The following ADAM33 variants were observed in gnomAD, a reference collection of about 807,000 sequenced individuals.
ADAM33 encodes the protein disintegrin and metalloproteinase domain-containing protein 33.
ADAM33 carries 103 observed loss-of-function variants against 106.2 expected under a neutral mutation model. That is an observed-to-expected ratio of 0.97 (90% CI 0.83 to 1.14). The LOEUF (loss-of-function observed/expected upper bound fraction) is 1.14, where lower values mean the gene tolerates loss of function less well. Among genes scored for constraint, ADAM33 ranks in the 50% most tolerant of loss-of-function variants. The pLI, the probability that ADAM33 is intolerant of heterozygous loss-of-function variation, is 0.00. For missense variants in ADAM33, 1,120 were observed against 1,096.6 expected, an observed-to-expected ratio of 1.02 and a Z score of -0.30; for synonymous variants, 483 against 453.0, an observed-to-expected ratio of 1.07 and a Z score of -0.84.
In ADAM33 at chr20:3,672,334, G is replaced by C; in HGVS notation, c.1402-5C>G. On this transcript the variant is annotated splice_region_variant and splice_polypyrimidine_tract_variant and intron_variant, in intron 13 of 21. Coordinates refer to ENST00000356518, the MANE Select transcript of ADAM33 (RefSeq NM_025220.5). ...CAGCGCTCCAGCCGGCTTCAGCTGC[G>C]CAGGTGACGGGTGGTGGGGAAGGCA... is the stretch of plus-strand genomic sequence containing the variant. 1 of 1,557,524 alleles carries C rather than the reference G, an allele frequency of 6.4e-7. No homozygotes were observed. Among genetic ancestry groups the C allele is most frequent in the Non-Finnish European group, 8.7e-7 (1 of 1,153,634 alleles).
chr20:3,676,863 C>T (rs987800361), intron 3 of ADAM33, among the ~76,000 whole-genome samples: 4 of 152,196 alleles, frequency 2.6e-5, no homozygotes, highest in South Asian at 2.1e-4. Context: ...GTTGGGAGGG[C>T]GGAGGTGCCC....
chr20:3,673,714 C>T lies in ADAM33; in HGVS notation c.905+31G>A, dbSNP rs937055628. 9 of 1,387,426 alleles carry T rather than the reference C, an allele frequency of 6.5e-6. No homozygotes were observed. In the African/African-American group the frequency reaches 7.6e-5, roughly 12 times the overall value. 85.9% of individuals were successfully genotyped at this position (1,387,426 alleles called of 1,614,324 possible). On this transcript the variant is annotated intron_variant, in intron 9 of 21. Transcript: ENST00000356518. ...GGCCGGGAGGTGAGGCCGCCCCACC[C>T]GGGACCCGCGTCCGGGTCAGAGGCA... is the stretch of plus-strand genomic sequence containing the variant.
At chr20:3,679,371 T>G in intron 2 of ADAM33, 121 bp downstream of exon 2, 2 of 980,724 alleles carry the variant, frequency 2.0e-6, no homozygotes, top group Non-Finnish European at 3.1e-6. Context: ...CAGGGGCCTA[T>G]AGGAGTAGTG....
chr20:3,672,802 G>T lies in ADAM33; in HGVS notation c.1230C>A (p.Asp410Glu). The part of the protein sequence containing the change: ...GGGACLSNAP[D>E]PGLPVPPALC... ...GCGCCGGCGGCACCGGGAGTCCGGGGTCCGGGGCATTGGAGAGGCAAGCGC... is the reference window on the plus strand; with the variant it reads ...GCGCCGGCGGCACCGGGAGTCCGGGTTCCGGGGCATTGGAGAGGCAAGCGC... The change falls in exon 12 of 22, where the codon GAC becomes GAA. Residue 410 changes from aspartate to glutamate, a missense_variant. By Grantham distance (45) the Asp-to-Glu change is conservative. Coordinates refer to ENST00000356518, the MANE Select transcript of ADAM33 (RefSeq NM_025220.5). 6.3e-7 allele frequency: 1 copy of T among 1,577,056 alleles called. No individual in the cohort carries two copies.
chr20:3,679,990 C>T (rs1000420724), intron 1 of ADAM33, among the ~76,000 whole-genome samples: 2 of 152,120 alleles, frequency 1.3e-5, no homozygotes, highest in Admixed American at 6.5e-5. Flanking sequence ...CACTTGTGCC[C>T]CCCCCATCAT....
chr20:3,672,711 C>T lies in ADAM33; in HGVS notation c.1311+10G>A. On this transcript the variant is annotated intron_variant, in intron 12 of 21. Coordinates refer to ENST00000356518, the MANE Select transcript of ADAM33 (RefSeq NM_025220.5). ...AGAGGGCAAGTGGGGGCCGGGCGAG[C>T]CGACTTAACCTGGCCAGGGCCGCAG... The T allele has an allele frequency of 6.3e-7, 1 of 1,583,054 alleles. No individual in the cohort carries two copies. Among genetic ancestry groups the T allele is most frequent in the Non-Finnish European group, 8.6e-7 (1 of 1,162,742 alleles).
At chr20:3,673,533 G>A (rs755820783) in intron 10 of ADAM33, 37 bp from the exon 11 acceptor site, 18 of 1,448,828 alleles carry the variant, frequency 1.2e-5, no homozygotes, top group Non-Finnish European at 1.6e-5. Context: ...TGCGGCCGTA[G>A]AGCCTCCTGT....
chr20:3,669,840 T>C, intron 19 of ADAM33: 1 of 671,110 alleles, frequency 1.5e-6, no homozygotes, highest in Non-Finnish European at 2.7e-6. Context: ...GTGAGCCTCA[T>C]GCCCTCGGCT....
chr20:3,671,300 G>A lies in ADAM33; in HGVS notation c.2029C>T (p.Pro677Ser). Residue 677 changes from proline to serine, a missense_variant, in exon 18 of 22, where the codon CCA becomes TCA. Physicochemically the swap from Pro to Ser is moderately conservative, Grantham distance 74 (BLOSUM62 -1). Transcript: ENST00000356518. ...HNCHCAPGWA[P>S]PFCDKPGFGG... ...AAGCCTGGCTTGTCACAGAAGGGTG[G>A]AGCCCAGCCTGGAGCACAGTGGCAG... The A allele has an allele frequency of 6.2e-7, 1 of 1,613,816 alleles. No individual in the cohort carries two copies. The highest frequency in any genetic ancestry group is 1.3e-5 in the African/African-American group (1 of 75,064).
chr20:3,674,504 C>G lies in ADAM33; in HGVS notation c.600G>C (p.Arg200Ser). ...CTCCCATCCGATCGATGCCCCTGAC[C>G]CTGCTCTGGGGACCACCAGGAAGGC... ...MTSLPGGPQS[R>S]GRREARRTRK... The change falls in exon 6 of 22, where the codon AGG (arginine) becomes AGC (serine). Residue 200 changes from arginine to serine, a missense_variant and splice_region_variant. Transcript: ENST00000356518. The G allele has an allele frequency of 6.2e-7, 1 of 1,612,990 alleles. No homozygotes were observed. Among genetic ancestry groups the G allele is most frequent in the Non-Finnish European group, 8.5e-7 (1 of 1,179,820 alleles).
At chr20:3,678,611 C>T (rs1289380189) in intron 2 of ADAM33, among the ~76,000 whole-genome samples, 2 of 152,198 alleles carry the variant, frequency 1.3e-5, no homozygotes, top group African/African-American at 2.4e-5. Context: ...CAATGCTCCC[C>T]TGCCTTCCCT....
intron 2 of ADAM33, 151 bp downstream of exon 2, chr20:3,679,341 C>T (rs1228897119): frequency 5.5e-6 from 4 of 728,014 alleles, no homozygotes; most frequent in Non-Finnish European, 9.0e-6. Flanking sequence ...TTCTTCTGCC[C>T]ACTTGAGGGG....
At position 3,673,554 on chromosome 20, in the gene ADAM33, C is replaced by T. The variant is rs1394450455; in HGVS notation, c.990+20G>A. ...CGTAGAGCCTCCTGTCTCTCCCTCGCCCCCGCCCGCGGGGCTCACCGTGCT... is the reference window on the plus strand; with the variant it reads ...CGTAGAGCCTCCTGTCTCTCCCTCGTCCCCGCCCGCGGGGCTCACCGTGCT... On this transcript the variant is annotated intron_variant, in intron 10 of 21. Coordinates refer to ENST00000356518, the MANE Select transcript of ADAM33 (RefSeq NM_025220.5). The T allele has an allele frequency of 1.4e-6, 2 of 1,403,364 alleles. No individual in the cohort carries two copies. The highest frequency in any genetic ancestry group is 1.8e-6 in the Non-Finnish European group (2 of 1,085,374). The allele number at this position is 1,403,364 out of a possible 1,614,324, so 86.9% of individuals were successfully genotyped here.
chr20:3,675,296 C>G lies in ADAM33; in HGVS notation c.255-191G>C, dbSNP rs2787095. On this transcript the variant is annotated intron_variant, in intron 3 of 21. Transcript: ENST00000356518. The surrounding 1 kb of genome is among the most constrained non-coding windows in gnomAD (Gnocchi z 4.1). Reference sequence around the variant, plus strand: ...AAACTCTTGGGGCTAGAGGAAGGAGCCTTGGTGATGGCTTAGTTGTGGGAG... The same window carrying G: ...AAACTCTTGGGGCTAGAGGAAGGAGGCTTGGTGATGGCTTAGTTGTGGGAG... Among the ~76,000 whole-genome samples the G allele has an allele frequency of 0.45, 68,769 of 152,008 alleles. 18,179 individuals carry two copies. The highest frequency in any genetic ancestry group is 0.61 in the South Asian group (2,949 of 4,810).
In ADAM33 at chr20:3,675,003, C is replaced by T. The variant is rs1162056234; in HGVS notation, c.333+24G>A. ...GGGGGGGTACCTCTGGCGGTGCATC[C>T]CAGAGCCCATGGAAGCATCTCACCG... On this transcript the variant is annotated intron_variant, in intron 4 of 21. Transcript: ENST00000356518. This position sits in a 1 kb window ranked among gnomAD's most constrained non-coding sequence, Gnocchi z 4.1. 2.5e-6 allele frequency: 4 copies of T among 1,613,134 alleles called. No homozygotes were observed. Among genetic ancestry groups the T allele is most frequent in the Non-Finnish European group, 3.4e-6 (4 of 1,179,854 alleles).
chr20:3,673,827 C>T lies in ADAM33; in HGVS notation c.823G>A (p.Ala275Thr). Residue 275 changes from alanine (A) to threonine (T), a missense_variant, in exon 9 of 22, where the codon GCC becomes ACC. Transcript: ENST00000356518. ...ERDRSRVTQD[A>T]NATLWAFLQW... is the part of the protein sequence containing the mutation. The stretch of plus-strand genomic sequence containing the variant: ...AGGAAGGCCCAGAGCGTGGCGTTGG[C>T]GTCCTGCGTGACGCGGCTGCGGTCC... 1.3e-6 allele frequency: 2 copies of T among 1,556,792 alleles called. No homozygotes were observed. The highest frequency in any genetic ancestry group is 1.7e-6 in the Non-Finnish European group (2 of 1,158,856).
chr20:3,679,437 A>G lies in ADAM33; in HGVS notation c.177+55T>C, dbSNP rs79485321. The G allele has an allele frequency of 0.012, 19,059 of 1,540,060 alleles. 2,006 individuals carry two copies. In the African/African-American group the frequency reaches 0.23, roughly 18 times the overall value. On this transcript the variant is annotated intron_variant, in intron 2 of 21. Transcript: ENST00000356518. ...TAGAAGCTGTAATGTAGGGAGAGAC[A>G]AAAGGGCTGGGAGGTTCAGGGCCCC...
intron 16 of ADAM33, 33 bp from the exon 17 acceptor site, chr20:3,671,529 A>G (rs1162636973): frequency 2.1e-5 from 34 of 1,610,092 alleles, no homozygotes; most frequent in Non-Finnish European, 2.4e-5. Flanking sequence ...TGAGGGGGAC[A>G]CTGGCCTGCG....
chr20:3,673,152 C>T (rs879402350), intron 11 of ADAM33: 11 of 1,487,592 alleles, frequency 7.4e-6, no homozygotes, highest in Non-Finnish European at 9.8e-6. Context: ...CCAGGTTACT[C>T]GGAAAATAAT....
Sources: allele counts gnomAD v4.1 joint callset (sites outside exome capture counted in the v4.1 genomes callset), GRCh38; gene constraint gnomAD v4.1.1; non-coding constraint Gnocchi (gnomAD v3.1); transcripts MANE v1.5; gene names NCBI Gene and HGNC (gene_info 2026-07-23, HGNC 2026-07-21).